The following CDH12 variants were observed in gnomAD, a reference collection of about 807,000 sequenced individuals.
CDH12 encodes the protein cadherin-12.
CDH12 carries 41 observed loss-of-function variants against 74.1 expected under a neutral mutation model. That is an observed-to-expected ratio of 0.55 (90% confidence interval 0.43 to 0.72). CDH12 has a LOEUF of 0.72. Among genes scored for constraint, CDH12 ranks in the 30% least tolerant of loss-of-function variants. The probability of loss-of-function intolerance (pLI) is 0.00; values close to 1 mark genes in which losing one functional copy is unlikely to be tolerated. For missense variants in CDH12, 945 were observed against 977.2 expected, an observed-to-expected ratio of 0.97 and a Z score of 0.44; for synonymous variants, 399 against 355.0, an observed-to-expected ratio of 1.12 and a Z score of -1.39.
At chr5:21,788,836 T>A (rs1364761851) in intron 10 of CDH12, among the ~76,000 whole-genome samples, 1 of 152,056 alleles carries the variant, frequency 6.6e-6, no homozygotes, top group Non-Finnish European at 1.5e-5. Context: ...TCTTTGATAA[T>A]CTTTTCCTTT....
intron 3 of CDH12, among the ~76,000 whole-genome samples, chr5:22,224,850 A>T (rs1457929622): frequency 2.0e-5 from 3 of 151,864 alleles, no homozygotes; most frequent in Non-Finnish European, 4.4e-5. Flanking sequence ...AACTTAAAAT[A>T]TTTTATTCAT....
rs1754224400 is a variant in CDH12, at chr5:21,918,817, T to C, written c.526+56274A>G. Reference sequence around the variant, plus strand: ...TATAAATTATACCATCATATTGTCATATATCTAAATTCAGATGGGAAATGC... The same window carrying C: ...TATAAATTATACCATCATATTGTCACATATCTAAATTCAGATGGGAAATGC... On this transcript the variant is annotated intron_variant, in intron 6 of 14. Transcript: ENST00000382254. Among the ~76,000 whole-genome samples, 5 of 152,288 alleles carry C rather than the reference T, an allele frequency of 3.3e-5. 1 individual carries two copies. In the South Asian group the frequency reaches 8.3e-4, roughly 25 times the overall value.
At chr5:22,237,024 T>C (rs1301852900) in intron 3 of CDH12, among the ~76,000 whole-genome samples, 1 of 151,822 alleles carries the variant, frequency 6.6e-6, no homozygotes, top group African/African-American at 2.4e-5. Context: ...GTATAGTAAA[T>C]ATATAAACCA....
At chr5:22,151,110 C>A (rs1177262572) in intron 4 of CDH12, among the ~76,000 whole-genome samples, 1 of 152,136 alleles carries the variant, frequency 6.6e-6, no homozygotes, top group East Asian at 1.9e-4. Flanking sequence ...TTCTACCTGC[C>A]ATGAGTCTAT....
chr5:22,246,819 G>C (rs1017930331), intron 3 of CDH12, among the ~76,000 whole-genome samples: 3 of 152,048 alleles, frequency 2.0e-5, no homozygotes, highest in Non-Finnish European at 4.4e-5. Context: ...CTAGTTGTTA[G>C]AATTTTTTTT....
In CDH12 at chr5:22,516,099, T is replaced by A. The variant is rs1213496961; in HGVS notation, c.-522-10735A>T. ...CTGATTAGTAAAGAAAGCAATGCACTATGTCGTAAAACTAAGGACATAATG... is the reference window on the plus strand; with the variant it reads ...CTGATTAGTAAAGAAAGCAATGCACAATGTCGTAAAACTAAGGACATAATG... On this transcript the variant is annotated intron_variant, in intron 1 of 14. Transcript: ENST00000382254. 3.3e-5 allele frequency among the ~76,000 whole-genome samples: 5 copies of A among 152,308 alleles called. No individual in the cohort carries two copies. In the East Asian group the frequency reaches 9.7e-4, roughly 29 times the overall value.
At chr5:22,159,484 T>C (rs1050472577) in intron 4 of CDH12, among the ~76,000 whole-genome samples, 1 of 152,156 alleles carries the variant, frequency 6.6e-6, no homozygotes, top group Non-Finnish European at 1.5e-5. Flanking sequence ...TATTGTGTCT[T>C]TTCTGATCTA....
intron 1 of CDH12, among the ~76,000 whole-genome samples, chr5:22,509,903 G>C (rs1011495114): frequency 6.6e-6 from 1 of 151,966 alleles, no homozygotes; most frequent in Non-Finnish European, 1.5e-5. Flanking sequence ...GTAATATAAA[G>C]CATGGTATAG....
intron 1 of CDH12, among the ~76,000 whole-genome samples, chr5:22,602,461 T>G (rs1580807282): frequency 6.6e-6 from 1 of 152,228 alleles, no homozygotes; most frequent in African/African-American, 2.4e-5. Context: ...GAAGCTTGCT[T>G]GTTGTTTTAT....
At chr5:22,449,684 C>G (rs918529062) in intron 2 of CDH12, among the ~76,000 whole-genome samples, 1 of 151,936 alleles carries the variant, frequency 6.6e-6, no homozygotes, top group Non-Finnish European at 1.5e-5. Context: ...ACCTTATCAT[C>G]CACATTAATT....
At chr5:22,361,184 T>C (rs1167747472) in intron 3 of CDH12, among the ~76,000 whole-genome samples, 2 of 152,254 alleles carry the variant, frequency 1.3e-5, no homozygotes, top group Admixed American at 6.5e-5. Context: ...GAAAATCCCA[T>C]CTTCTCAGCC....
intron 3 of CDH12, among the ~76,000 whole-genome samples, chr5:22,280,469 C>A (rs1006397318): frequency 4.6e-5 from 7 of 151,944 alleles, no homozygotes; most frequent in Non-Finnish European, 5.9e-5. Context: ...AATTGATAGA[C>A]CTCTAGCAAG....
Position 22,286,510 on chromosome 5 carries a change from G to A in CDH12, c.-332-73867C>T, listed in dbSNP as rs142672972. ...TTCATCTTCTGCAATATTGTTAAAT[G>A]GTCAAGGTGAGGAACAAAAGTAATA... On this transcript the variant is annotated intron_variant, in intron 3 of 14. Transcript: ENST00000382254. Among the ~76,000 whole-genome samples, 14 of 152,244 alleles carry A rather than the reference G, an allele frequency of 9.2e-5. No individual in the cohort carries two copies. In the East Asian group the frequency reaches 2.1e-3, roughly 23 times the overall value.
At chr5:22,060,431 C>T (rs1263992105) in intron 5 of CDH12, among the ~76,000 whole-genome samples, 1 of 151,996 alleles carries the variant, frequency 6.6e-6, no homozygotes, top group African/African-American at 2.4e-5. Context: ...CACATGTATA[C>T]CTATGTAACA....
At chr5:22,647,673 G>A (rs1367811939) in intron 1 of CDH12, among the ~76,000 whole-genome samples, 3 of 151,554 alleles carry the variant, frequency 2.0e-5, no homozygotes, top group Non-Finnish European at 4.4e-5. Flanking sequence ...CCTCTTAAAG[G>A]CCATATTTCA....
intron 3 of CDH12, among the ~76,000 whole-genome samples, chr5:22,327,397 A>G (rs886793473): frequency 6.6e-6 from 1 of 151,418 alleles, no homozygotes; most frequent in African/African-American, 2.4e-5. Flanking sequence ...TTACCATGAG[A>G]GCCACTGACC....
At chr5:21,877,468 T>G (rs1751999163) in intron 6 of CDH12, among the ~76,000 whole-genome samples, 1 of 152,196 alleles carries the variant, frequency 6.6e-6, no homozygotes, top group Non-Finnish European at 1.5e-5. Context: ...TGGTATATAA[T>G]AAGTACTTAA....
At chr5:22,104,428 A>G (rs6893588) in intron 4 of CDH12, among the ~76,000 whole-genome samples, 72,037 of 151,848 alleles carry the variant, frequency 0.47, 17,286 homozygotes, top group Middle Eastern at 0.54. Context: ...GTCAAATTAA[A>G]TGAGAAAAAA....
intron 6 of CDH12, among the ~76,000 whole-genome samples, chr5:21,857,391 A>G (rs2150003986): frequency 6.6e-6 from 1 of 151,922 alleles, no homozygotes. Flanking sequence ...CATAGAGAAA[A>G]CACTCTTGTA....
Sources: allele counts gnomAD v4.1 joint callset (sites outside exome capture counted in the v4.1 genomes callset), GRCh38; gene constraint gnomAD v4.1.1; transcripts MANE v1.5; gene names NCBI Gene and HGNC (gene_info 2026-07-23, HGNC 2026-07-21).